Variants in SRRM2 observed in about 807,000 individuals in gnomAD.
The protein encoded by SRRM2 is serine/arginine repetitive matrix protein 2.
SRRM2 carries 30 observed loss-of-function variants against 213.8 expected under a neutral mutation model. That is an observed-to-expected ratio of 0.14 (90% CI 0.10 to 0.19). SRRM2 has a LOEUF of 0.19. Among genes scored for constraint, SRRM2 ranks in the 10% least tolerant of loss-of-function variants. SRRM2 has a pLI of 1.00. For synonymous variants in SRRM2, 2,025 were observed against 1,377.7 expected, an observed-to-expected ratio of 1.47 and a Z score of -10.40; for missense variants, 4,904 against 3,647.0, an observed-to-expected ratio of 1.34 and a Z score of -8.88.
chr16:2,756,965 T>A (rs1053066078), intron 2 of SRRM2, among the ~76,000 whole-genome samples: 18 of 151,806 alleles, frequency 1.2e-4, no homozygotes, highest in African/African-American at 4.1e-4. Flanking sequence ...AAGAAGAAGA[T>A]AAATGGATGT....
rs778955558 is a variant in SRRM2 at position 2,768,964 on chromosome 16, T to A, written c.7734-33T>A. The A allele has an allele frequency of 7.5e-6, 12 of 1,607,862 alleles. No homozygotes were observed. In the East Asian group the frequency reaches 2.5e-4, roughly 33 times the overall value. ...AAGGTAGGGTTGGGGCTGGGGCAGC[T>A]TGTCTCCTTGTGACACTCCTCTCCT... On this transcript the variant is annotated intron_variant, in intron 11 of 14. Coordinates refer to ENST00000301740, the MANE Select transcript of SRRM2 (RefSeq NM_016333.4).
At chr16:2,758,612 G>C in intron 5 of SRRM2, 65 bp downstream of exon 5, 1 of 1,491,986 alleles carries the variant, frequency 6.7e-7, no homozygotes, top group East Asian at 2.3e-5. Flanking sequence ...CTTTCTCTCT[G>C]GAAGTGGACA....
At position 2,757,920 on chromosome 16, in the gene SRRM2, G is replaced by C; in HGVS notation, c.490G>C (p.Ala164Pro). 1 of 1,614,044 alleles carries C rather than the reference G, an allele frequency of 6.2e-7. No homozygotes were observed. Among genetic ancestry groups the C allele is most frequent in the South Asian group, 1.1e-5 (1 of 91,072 alleles). ...QRRAREAKQP[A>P]PEPPKPYSLV... is the part of the protein sequence containing the mutation. ...TCGTGCCCGAGAAGCTAAACAACCAGCTCCTGAGCCTCCCAAACCTTACAG... is the reference window on the plus strand; with the variant it reads ...TCGTGCCCGAGAAGCTAAACAACCACCTCCTGAGCCTCCCAAACCTTACAG... Residue 164 changes from alanine to proline, a missense_variant, in exon 4 of 15, where the codon GCT becomes CCT. By Grantham distance (27) the Ala-to-Pro change is conservative (BLOSUM62 -1). Coordinates refer to ENST00000301740, the MANE Select transcript of SRRM2 (RefSeq NM_016333.4).
intron 3 of SRRM2, 74 bp from the exon 4 acceptor site, chr16:2,757,707 C>G (rs192353653): frequency 2.5e-6 from 4 of 1,583,888 alleles, no homozygotes; most frequent in Non-Finnish European, 2.6e-6. Flanking sequence ...TATTTGGCTC[C>G]TGCTTATACT....
At chr16:2,758,044 T>A (rs1429054975) in intron 4 of SRRM2, 99 bp downstream of exon 4, 2 of 1,432,448 alleles carry the variant, frequency 1.4e-6, no homozygotes, top group Non-Finnish European at 1.9e-6. Context: ...CCCAAACTCT[T>A]CAGATTTTGT....
rs895409527 is a variant in SRRM2 at position 2,769,114 on chromosome 16, ATCT to A, written c.7854_7856del (p.Ser2648del). On this transcript the variant is annotated inframe_deletion, in exon 12 of 15. Coordinates refer to ENST00000301740, the MANE Select transcript of SRRM2 (RefSeq NM_016333.4). The stretch of plus-strand genomic sequence containing the variant: ...GTTCCAGTTCCAGCTCCTCCTCTTC[ATCT>A]TCCTCCTCCTCCTCCTCCTCCTCTT... 1.4e-5 allele frequency: 22 copies of A among 1,613,096 alleles called. No homozygotes were observed. Among genetic ancestry groups the A allele is most frequent in the Non-Finnish European group, 1.8e-5 (21 of 1,179,592 alleles).
At chr16:2,756,210 C>A in intron 1 of SRRM2, 124 bp from the exon 2 acceptor site, 1 of 960,706 alleles carries the variant, frequency 1.0e-6, no homozygotes, top group Non-Finnish European at 1.5e-6. Context: ...CATTATACAG[C>A]GAAGACTTAG....
chr16:2,761,890 T>C lies in SRRM2; in HGVS notation c.1362T>C (p.Ser454=). 1 of 1,612,978 alleles carries C rather than the reference T, an allele frequency of 6.2e-7. No homozygotes were observed. The highest frequency in any genetic ancestry group is 8.5e-7 in the Non-Finnish European group (1 of 1,180,000). The part of the protein sequence containing the change: ...APAPGSHREI[S]SSPTSKNRSH... Reference sequence around the variant, plus strand: ...CTCCAGGGTCCCACCGAGAGATTTCTTCTTCTCCCACATCTAAGAATCGCT... The same window carrying C: ...CTCCAGGGTCCCACCGAGAGATTTCCTCTTCTCCCACATCTAAGAATCGCT... The change falls in exon 11 of 15, where the codon TCT becomes TCC. Residue 454 remains serine (S), a synonymous_variant. Coordinates refer to ENST00000301740, the MANE Select transcript of SRRM2 (RefSeq NM_016333.4).
chr16:2,754,228 CTCA>C (rs1244706825), intron 1 of SRRM2, among the ~76,000 whole-genome samples: 1 of 151,940 alleles, frequency 6.6e-6, no homozygotes, highest in African/African-American at 2.4e-5. Flanking sequence ...GACTAGGTGG[CTCA>C]TTCCCTAAAA....
chr16:2,766,055 C>A lies in SRRM2; in HGVS notation c.5527C>A (p.Arg1843=). Residue 1843 remains arginine (R), a synonymous_variant, in exon 11 of 15, where the codon CGG becomes AGG. Transcript: ENST00000301740. This position sits in a 1 kb window ranked among gnomAD's most constrained non-coding sequence, Gnocchi z 7.0. ...TSSRRRRGRS[R]TPPTSRKRSR... ...CTCTCGACGCCGAAGAGGCCGCTCT[C>A]GGACACCCCCAACCAGTCGGAAGCG... is the stretch of plus-strand genomic sequence containing the variant. 1 of 1,614,182 alleles carries A rather than the reference C, an allele frequency of 6.2e-7. No individual in the cohort carries two copies. The highest frequency in any genetic ancestry group is 1.1e-5 in the South Asian group (1 of 91,084).
Position 2,770,475 on chromosome 16 carries a change from A to T in SRRM2, c.8135+10A>T. 1.9e-6 allele frequency: 3 copies of T among 1,600,416 alleles called. No homozygotes were observed. Among genetic ancestry groups the T allele is most frequent in the Non-Finnish European group, 1.7e-6 (2 of 1,173,894 alleles). The stretch of plus-strand genomic sequence containing the variant: ...CACGGGACCAGCAGAGGTAAGGCCA[A>T]CTGCAGGTGTCAGCACCCAGCCTGT... On this transcript the variant is annotated intron_variant, in intron 13 of 14. Transcript: ENST00000301740.
chr16:2,769,117 TTCCTCCTCCTCC>T lies in SRRM2; in HGVS notation c.7866_7877del (p.Ser2645_Ser2648del). 5 of 1,611,546 alleles carry T rather than the reference TTCCTCCTCCTCC, an allele frequency of 3.1e-6. No individual in the cohort carries two copies. Among genetic ancestry groups the T allele is most frequent in the Non-Finnish European group, 3.4e-6 (4 of 1,178,202 alleles). Reference sequence around the variant, plus strand: ...CCAGTTCCAGCTCCTCCTCTTCATCTTCCTCCTCCTCCTCCTCCTCCTCTTCTTCCTCCTCCT... The same window carrying T: ...CCAGTTCCAGCTCCTCCTCTTCATCTTCCTCCTCCTCTTCTTCCTCCTCCT... On this transcript the variant is annotated inframe_deletion, in exon 12 of 15. Coordinates refer to ENST00000301740, the MANE Select transcript of SRRM2 (RefSeq NM_016333.4).
chr16:2,768,933 C>T (rs2068638521), intron 11 of SRRM2, 64 bp from the exon 12 acceptor site: 6 of 1,604,330 alleles, frequency 3.7e-6, no homozygotes, highest in Middle Eastern at 3.3e-4. Flanking sequence ...TTCCTCCAGG[C>T]CAAGGAAGGT....
intron 1 of SRRM2, among the ~76,000 whole-genome samples, chr16:2,756,064 T>G (rs1295167139): frequency 1.3e-5 from 2 of 151,818 alleles, no homozygotes; most frequent in Non-Finnish European, 2.9e-5. Context: ...AAAATTTAGG[T>G]GTAGGGAGGG....
At chr16:2,768,573 C>T in intron 11 of SRRM2, 1 of 637,620 alleles carries the variant, frequency 1.6e-6, no homozygotes, top group Non-Finnish European at 2.9e-6. Flanking sequence ...TCAAGAGGAA[C>T]TCCCTGGGCT....
At position 2,763,183 on chromosome 16, in the gene SRRM2, C is replaced by T. The variant is rs202025261; in HGVS notation, c.2655C>T (p.Thr885=). The T allele has an allele frequency of 1.9e-4, 308 of 1,613,892 alleles. No individual in the cohort carries two copies. Among genetic ancestry groups the T allele is most frequent in the Admixed American group, 2.8e-4 (17 of 59,978 alleles). The change falls in exon 11 of 15, where the codon ACC becomes ACT. Residue 885 remains threonine, a synonymous_variant. Coordinates refer to ENST00000301740, the MANE Select transcript of SRRM2 (RefSeq NM_016333.4). ...SSPDPELKSR[T]PSRHSCSGSS... is the part of the protein sequence containing the mutation. ...CTGACCCTGAGTTGAAATCTAGGAC[C>T]CCTTCTAGACATAGCTGCTCAGGGT...
intron 12 of SRRM2, 117 bp downstream of exon 12, chr16:2,769,401 T>C: frequency 8.2e-7 from 1 of 1,226,992 alleles, no homozygotes; most frequent in Admixed American, 2.3e-5. Flanking sequence ...CATCTGGTTG[T>C]GGGGGAGGAG....
At position 2,764,510 on chromosome 16, in the gene SRRM2, G is replaced by C; in HGVS notation, c.3982G>C (p.Gly1328Arg). The C allele has an allele frequency of 6.2e-7, 1 of 1,614,158 alleles. No homozygotes were observed. ...SNSPLRENSF[G>R]SPLEFRNSGP... Reference sequence around the variant, plus strand: ...CTCCCCACTCAGGGAGAACAGCTTTGGATCACCTTTAGAATTTAGAAACTC... The same window carrying C: ...CTCCCCACTCAGGGAGAACAGCTTTCGATCACCTTTAGAATTTAGAAACTC... Residue 1328 changes from glycine to arginine, a missense_variant, in exon 11 of 15, where the codon GGA becomes CGA. By Grantham distance (125) the Gly-to-Arg change is moderately radical. Coordinates refer to ENST00000301740, the MANE Select transcript of SRRM2 (RefSeq NM_016333.4).
Position 2,767,924 on chromosome 16 carries a change from A to G in SRRM2, c.7396A>G (p.Thr2466Ala). Residue 2466 changes from threonine (T) to alanine (A), a missense_variant, in exon 11 of 15, where the codon ACC becomes GCC. Transcript: ENST00000301740. ...SDQSRCLIAQ[T>A]TPVAGSQSLS... is the part of the protein sequence containing the mutation. ...CCAATCCCGTTGTTTGATTGCCCAGACCACCCCTGTAGCAGGGTCTCAGTC... is the reference window on the plus strand; with the variant it reads ...CCAATCCCGTTGTTTGATTGCCCAGGCCACCCCTGTAGCAGGGTCTCAGTC... 1 of 1,613,942 alleles carries G rather than the reference A, an allele frequency of 6.2e-7. No individual in the cohort carries two copies. Among genetic ancestry groups the G allele is most frequent in the Non-Finnish European group, 8.5e-7 (1 of 1,179,964 alleles).
Sources: allele counts gnomAD v4.1 joint callset (sites outside exome capture counted in the v4.1 genomes callset), GRCh38; gene constraint gnomAD v4.1.1; non-coding constraint Gnocchi (gnomAD v3.1); transcripts MANE v1.5; gene names NCBI Gene and HGNC (gene_info 2026-07-23, HGNC 2026-07-21).